Variants in ITGA4 observed in about 807,000 individuals in gnomAD.
ITGA4 encodes the protein integrin subunit alpha 4.
A neutral mutation model predicts 133.6 loss-of-function variants in ITGA4; 63 were observed. That is an observed-to-expected ratio of 0.47 (90% CI 0.38 to 0.58). The LOEUF is 0.58. Ranked by LOEUF, ITGA4 falls within the 20% of genes least tolerant of loss-of-function variation. The pLI, the probability that ITGA4 is intolerant of heterozygous loss-of-function variation, is 0.00. For missense variants in ITGA4, 1,076 were observed against 1,252.7 expected, an observed-to-expected ratio of 0.86 and a Z score of 2.13; for synonymous variants, 483 against 438.0, an observed-to-expected ratio of 1.10 and a Z score of -1.28.
chr2:181,464,056 C>T lies in ITGA4; in HGVS notation c.319+5739C>T, dbSNP rs552871033. Among the ~76,000 whole-genome samples the T allele has an allele frequency of 3.9e-5, 6 of 152,054 alleles. No individual in the cohort carries two copies. The South Asian group carries it at 8.3e-4, about 21-fold the overall frequency. On this transcript the variant is annotated intron_variant, in intron 2 of 27. Transcript: ENST00000397033. ...GTCCCCAGATGATTCCAGTATTCAT[C>T]CATGCTTGAGAACCGCTGGAGAAGA...
chr2:181,497,220 C>T (rs1686174370), intron 14 of ITGA4, among the ~76,000 whole-genome samples: 2 of 152,192 alleles, frequency 1.3e-5, no homozygotes, highest in Admixed American at 1.3e-4. Flanking sequence ...AGTGTTTCCT[C>T]TACTAACAAT....
intron 2 of ITGA4, 90 bp from the exon 3 acceptor site, chr2:181,474,870 C>T: frequency 1.1e-6 from 1 of 876,130 alleles, no homozygotes; most frequent in African/African-American, 1.7e-5. Flanking sequence ...AAGTAGTTAA[C>T]AGAAAAATAC....
Position 181,538,033 on chromosome 2 carries a change from A to C in ITGA4, c.*2506A>C, listed in dbSNP as rs746216293. On this transcript the variant is annotated 3_prime_UTR_variant, in exon 28 of 28. Transcript: ENST00000397033. ...AATGCCTGATGATCTGAGGTGGAACAGTTCATCCTGAAACCATTCCCCCAT... is the reference window on the plus strand; with the variant it reads ...AATGCCTGATGATCTGAGGTGGAACCGTTCATCCTGAAACCATTCCCCCAT... 4 of 696,710 alleles carry C rather than the reference A, an allele frequency of 5.7e-6. No individual in the cohort carries two copies. In the South Asian group the frequency reaches 6.0e-5, roughly 10 times the overall value. 43.2% of individuals were successfully genotyped at this position (696,710 alleles called of 1,614,324 possible).
intron 15 of ITGA4, 54 bp downstream of exon 15, chr2:181,498,831 G>A: frequency 6.6e-7 from 1 of 1,523,510 alleles, no homozygotes; most frequent in Non-Finnish European, 8.8e-7. Context: ...GTTGTTGATA[G>A]AGAGCAACTT....
In ITGA4 at chr2:181,471,241, G is replaced by A. The variant is rs561492541; in HGVS notation, c.320-3719G>A. On this transcript the variant is annotated intron_variant, in intron 2 of 27. Coordinates refer to ENST00000397033, the MANE Select transcript of ITGA4 (RefSeq NM_000885.6). ...GAAGATGTTTAGTCAAACCATAATA[G>A]AAGCTTTGAATTGTTTTTCGTTTAC... 1.7e-3 allele frequency among the ~76,000 whole-genome samples: 265 copies of A among 152,238 alleles called. 2 individuals carry two copies. The highest frequency in any genetic ancestry group is 6.1e-3 in the African/African-American group (252 of 41,560).
chr2:181,522,254 C>G lies in ITGA4; in HGVS notation c.1986C>G (p.Ser662=), dbSNP rs753888696. 1 of 1,558,044 alleles carries G rather than the reference C, an allele frequency of 6.4e-7. No homozygotes were observed. Among genetic ancestry groups the G allele is most frequent in the East Asian group, 2.4e-5 (1 of 41,264 alleles). The change falls in exon 18 of 28, where the codon TCC becomes TCG. Residue 662 remains serine (S), a synonymous_variant. Coordinates refer to ENST00000397033, the MANE Select transcript of ITGA4 (RefSeq NM_000885.6). The part of the protein sequence containing the change: ...GSMKTLMLNV[S]LFNAGDDAYE... ...TGAAGACATTGATGTTGAATGTGTC[C>G]TTGTTTAATGCTGGAGATGATGCAT... is the stretch of plus-strand genomic sequence containing the variant.
rs201383073 is a variant in ITGA4, at chr2:181,480,273, T to C, written c.754+7T>C. 1.4e-5 allele frequency: 19 copies of C among 1,376,712 alleles called. No homozygotes were observed. In the South Asian group the frequency reaches 2.4e-4, roughly 18 times the overall value. The allele number at this position is 1,376,712 out of a possible 1,614,324, so 85.3% of individuals were successfully genotyped here. A position where few individuals can be genotyped will look rare whatever the true frequency, so the allele number is the denominator to read the frequency against. On this transcript the variant is annotated splice_region_variant and intron_variant, in intron 6 of 27. Coordinates refer to ENST00000397033, the MANE Select transcript of ITGA4 (RefSeq NM_000885.6). ...AAATTTGGAAGTTATTTAGGTACTA[T>C]AAAAATTGACAAACTTAAATGATCT...
At chr2:181,529,412 G>T in intron 22 of ITGA4, 129 bp from the exon 23 acceptor site, 1 of 449,562 alleles carries the variant, frequency 2.2e-6, no homozygotes, top group Non-Finnish European at 3.9e-6. Context: ...TTATGCAGCT[G>T]CCAACCATAA....
At chr2:181,529,054 G>C (rs1173943831) in intron 22 of ITGA4, among the ~76,000 whole-genome samples, 1 of 152,074 alleles carries the variant, frequency 6.6e-6, no homozygotes, top group African/African-American at 2.4e-5. Flanking sequence ...GTGCTTTTGC[G>C]ATAACATCAT....
At chr2:181,502,826 T>C (rs1179095265) in intron 15 of ITGA4, among the ~76,000 whole-genome samples, 2 of 152,032 alleles carry the variant, frequency 1.3e-5, no homozygotes, top group African/African-American at 2.4e-5. Context: ...TTTTTCCCAG[T>C]CACATTCAGT....
At chr2:181,511,072 C>G (rs905931655) in intron 16 of ITGA4, among the ~76,000 whole-genome samples, 1 of 152,050 alleles carries the variant, frequency 6.6e-6, no homozygotes, top group African/African-American at 2.4e-5. Context: ...CTCTCTCTAC[C>G]TGTTCCCGTT....
At chr2:181,482,474 C>T (rs758773450) in intron 8 of ITGA4, 40 bp from the exon 9 acceptor site, 3 of 1,613,300 alleles carry the variant, frequency 1.9e-6, no homozygotes, top group African/African-American at 2.7e-5. Context: ...AGTAACCCTG[C>T]TTTTTTCTCA....
rs1297908458 is a variant in ITGA4 at position 181,495,846 on chromosome 2, A to C, written c.1449A>C (p.Lys483Asn). The change falls in exon 14 of 28, where the codon AAA becomes AAC. Residue 483 changes from lysine to asparagine, a missense_variant. Transcript: ENST00000397033. This position sits in a 1 kb window ranked among gnomAD's most constrained non-coding sequence, Gnocchi z 4.3. ...ACCCTGAGTCAGTAAATAGAACGAA[A>C]TTTGACTGTGTTGAAAATGGATGGC... ...LSHPESVNRT[K>N]FDCVENGWPS... 1 of 1,613,980 alleles carries C rather than the reference A, an allele frequency of 6.2e-7. No homozygotes were observed.
intron 17 of ITGA4, among the ~76,000 whole-genome samples, chr2:181,521,200 C>G (rs1686713382): frequency 1.3e-5 from 2 of 152,054 alleles, no homozygotes; most frequent in South Asian, 4.1e-4. Flanking sequence ...TATCTAAGAA[C>G]TTCTGTTCTT....
intron 9 of ITGA4, among the ~76,000 whole-genome samples, chr2:181,483,137 TCATA>T (rs1685843208): frequency 6.6e-6 from 1 of 152,168 alleles, no homozygotes; most frequent in Non-Finnish European, 1.5e-5. Context: ...TTTTCATAAT[TCATA>T]TATATTATGC....
intron 17 of ITGA4, among the ~76,000 whole-genome samples, chr2:181,519,304 T>C (rs1364249089): frequency 6.6e-6 from 1 of 152,014 alleles, no homozygotes; most frequent in African/African-American, 2.4e-5. Context: ...GTGAGGACAA[T>C]AACTGGAAGA....
At chr2:181,484,417 C>T (rs1413811884) in intron 9 of ITGA4, among the ~76,000 whole-genome samples, 1 of 152,136 alleles carries the variant, frequency 6.6e-6, no homozygotes, top group Non-Finnish European at 1.5e-5. Context: ...TCCAGAACTT[C>T]AGAGCCATTG....
At chr2:181,476,767 C>T (rs899616486) in intron 4 of ITGA4, among the ~76,000 whole-genome samples, 1 of 152,162 alleles carries the variant, frequency 6.6e-6, no homozygotes, top group African/African-American at 2.4e-5. Flanking sequence ...TACATACACA[C>T]TGTAGAATAC....
intron 15 of ITGA4, among the ~76,000 whole-genome samples, chr2:181,509,370 G>A (rs1002635472): frequency 3.3e-5 from 5 of 151,832 alleles, no homozygotes; most frequent in African/African-American, 9.6e-5. Flanking sequence ...TTTTAAATGC[G>A]TAGAAAATAG....
Sources: gnomAD v4.1 joint callset for allele counts (sites outside exome capture counted in the v4.1 genomes callset) on GRCh38, gnomAD v4.1.1 for gene constraint, Gnocchi (gnomAD v3.1) non-coding constraint, MANE v1.5 for transcripts, NCBI Gene and HGNC (gene_info 2026-07-23, HGNC 2026-07-21) for gene names.